DEUP1: variants seen among roughly 807,000 people sequenced by gnomAD.
DEUP1 encodes coiled-coil domain containing 67.
Under a neutral mutation model 87.4 loss-of-function variants are expected in DEUP1, and 82 were observed. The ratio of observed to expected loss-of-function variants is 0.94; its 90% CI spans 0.78 to 1.13. The LOEUF is 1.13. Ranked by LOEUF, DEUP1 falls within the 50% of genes most tolerant of loss-of-function variation. The probability of loss-of-function intolerance (pLI) is 0.00; values close to 1 mark genes in which losing one functional copy is unlikely to be tolerated. For missense variants in DEUP1, 663 were observed against 681.5 expected, an observed-to-expected ratio of 0.97 and a Z score of 0.30; for synonymous variants, 214 against 222.7, an observed-to-expected ratio of 0.96 and a Z score of 0.35.
intron 13 of DEUP1, among the ~76,000 whole-genome samples, chr11:93,418,958 C>A (rs1947760284): frequency 6.6e-6 from 1 of 150,630 alleles, no homozygotes; most frequent in Non-Finnish European, 1.5e-5. Flanking sequence ...TGCATATTCT[C>A]ACTCATAGGT....
At chr11:93,391,812 C>T (rs1946774212) in intron 9 of DEUP1, among the ~76,000 whole-genome samples, 1 of 151,828 alleles carries the variant, frequency 6.6e-6, no homozygotes, top group Non-Finnish European at 1.5e-5. Flanking sequence ...ATAGACTGAC[C>T]GTGTTATTTC....
At chr11:93,340,228 G>A (rs180829989) in intron 2 of DEUP1, among the ~76,000 whole-genome samples, 80 of 152,264 alleles carry the variant, frequency 5.3e-4, no homozygotes, top group African/African-American at 1.9e-3. Flanking sequence ...AGTAAATCTG[G>A]TTAGGTGACA....
At chr11:93,343,350 A>G (rs1944173017) in intron 2 of DEUP1, among the ~76,000 whole-genome samples, 1 of 152,240 alleles carries the variant, frequency 6.6e-6, no homozygotes, top group African/African-American at 2.4e-5. Flanking sequence ...CTAGCAAGAA[A>G]GAACTTAATT....
intron 5 of DEUP1, among the ~76,000 whole-genome samples, chr11:93,369,587 A>G (rs1565312637): frequency 2.0e-5 from 3 of 152,328 alleles, no homozygotes; most frequent in South Asian, 4.1e-4. Context: ...AAAAAATCCA[A>G]CATGAATGAT....
At chr11:93,364,401 A>C in intron 5 of DEUP1, 107 bp downstream of exon 5, 1 of 972,846 alleles carries the variant, frequency 1.0e-6, no homozygotes, top group Non-Finnish European at 1.6e-6. Context: ...TGTGGTAATA[A>C]ACACTATTAC....
At chr11:93,383,915 T>G (rs1219406142) in intron 7 of DEUP1, among the ~76,000 whole-genome samples, 1 of 152,202 alleles carries the variant, frequency 6.6e-6, no homozygotes, top group East Asian at 1.9e-4. Context: ...CTGGTAGTTA[T>G]GAGTTGTGTA....
chr11:93,345,695 T>G (rs1464408092), intron 2 of DEUP1, among the ~76,000 whole-genome samples: 2 of 152,164 alleles, frequency 1.3e-5, no homozygotes, highest in African/African-American at 4.8e-5. Flanking sequence ...ATTTTCTAAA[T>G]GGGGTTGTTT....
At chr11:93,370,560 C>T (rs1323723553) in intron 6 of DEUP1, among the ~76,000 whole-genome samples, 1 of 152,150 alleles carries the variant, frequency 6.6e-6, no homozygotes, top group African/African-American at 2.4e-5. Flanking sequence ...CTGTGAATTG[C>T]CTATTCATAA....
In DEUP1 at chr11:93,355,389, T is replaced by C. The variant is rs769641235; in HGVS notation, c.48T>C (p.Ala16=). 1 of 1,613,084 alleles carries C rather than the reference T, an allele frequency of 6.2e-7. No homozygotes were observed. Among genetic ancestry groups the C allele is most frequent in the Non-Finnish European group, 8.5e-7 (1 of 1,179,312 alleles). Residue 16 remains alanine, a synonymous_variant, in exon 3 of 14, where the codon GCT becomes GCC. Transcript: ENST00000298050. ...TTGCCAGAACTTCTCCTTGTGAGGC[T>C]GAGCTTCAGGAATTAATGGAACAAA... ...HNTMGTSPCE[A]ELQELMEQID... is the part of the protein sequence containing the mutation.
chr11:93,415,546 T>C lies in DEUP1; in HGVS notation c.1638+432T>C, dbSNP rs377096393. Among the ~76,000 whole-genome samples the C allele has an allele frequency of 8.2e-4, 125 of 152,046 alleles. 2 individuals are homozygous for C. In the South Asian group the frequency reaches 0.024, roughly 29 times the overall value. On this transcript the variant is annotated intron_variant, in intron 13 of 13. Coordinates refer to ENST00000298050, the MANE Select transcript of DEUP1 (RefSeq NM_181645.4). ...ATCATAAATGGACAGCTTGATGAGT[T>C]ATCACAAAGGGAATGTAACTACCAC...
chr11:93,395,009 G>C (rs1946894866), intron 10 of DEUP1, among the ~76,000 whole-genome samples: 2 of 151,882 alleles, frequency 1.3e-5, no homozygotes, highest in Non-Finnish European at 2.9e-5. Context: ...TTAAAAAAAA[G>C]TCTCTATTCC....
At chr11:93,395,630 G>A (rs1251687637) in intron 10 of DEUP1, among the ~76,000 whole-genome samples, 1 of 152,034 alleles carries the variant, frequency 6.6e-6, no homozygotes, top group Admixed American at 6.5e-5. Context: ...TTGTCAATGA[G>A]CATAAATTGG....
intron 7 of DEUP1, among the ~76,000 whole-genome samples, chr11:93,375,353 C>T (rs1945986748): frequency 1.3e-5 from 2 of 152,164 alleles, no homozygotes; most frequent in East Asian, 1.9e-4. Flanking sequence ...TGAGAGTGGG[C>T]ATCCTTGTCT....
intron 2 of DEUP1, among the ~76,000 whole-genome samples, chr11:93,335,437 G>T (rs542280369): frequency 2.6e-5 from 4 of 152,266 alleles, no homozygotes; most frequent in South Asian, 2.1e-4. Flanking sequence ...TGTTTAACTT[G>T]TGTTTTTCAA....
At chr11:93,409,631 C>T (rs1056494636) in intron 12 of DEUP1, among the ~76,000 whole-genome samples, 1 of 152,136 alleles carries the variant, frequency 6.6e-6, no homozygotes, top group Non-Finnish European at 1.5e-5. Flanking sequence ...TTCATTGCAA[C>T]ATTTGCTCAT....
chr11:93,332,298 G>C lies in DEUP1; in HGVS notation c.29+10G>C, dbSNP rs1246303990. 1.2e-6 allele frequency: 2 copies of C among 1,603,884 alleles called. No individual in the cohort carries two copies. Among genetic ancestry groups the C allele is most frequent in the African/African-American group, 2.7e-5 (2 of 74,832 alleles). ...CCCATAATACGATGGGGTAAGTGCT[G>C]AGAAATTTCTGTTTAATAAGTATGT... is the stretch of plus-strand genomic sequence containing the variant. On this transcript the variant is annotated intron_variant, in intron 2 of 13. Transcript: ENST00000298050.
intron 5 of DEUP1, among the ~76,000 whole-genome samples, chr11:93,368,700 G>T (rs1375732953): frequency 6.6e-6 from 1 of 152,208 alleles, no homozygotes; most frequent in Non-Finnish European, 1.5e-5. Flanking sequence ...ACTTTGGGAG[G>T]CTGAGGCAGG....
intron 5 of DEUP1, among the ~76,000 whole-genome samples, chr11:93,367,392 T>C (rs952936368): frequency 1.6e-4 from 24 of 152,308 alleles, no homozygotes; most frequent in Admixed American, 7.8e-4. Context: ...TTTCCAGCAT[T>C]GCCAATCCAG....
At chr11:93,417,391 C>G (rs1451160563) in intron 13 of DEUP1, among the ~76,000 whole-genome samples, 2 of 151,104 alleles carry the variant, frequency 1.3e-5, no homozygotes, top group Non-Finnish European at 3.0e-5. Context: ...CAATAACAGA[C>G]AAACAGAGAG....
Sources: allele counts gnomAD v4.1 joint callset (sites outside exome capture counted in the v4.1 genomes callset), GRCh38; gene constraint gnomAD v4.1.1; transcripts MANE v1.5; gene names NCBI Gene and HGNC (gene_info 2026-07-23, HGNC 2026-07-21).